Variants in NTRK3 observed in about 807,000 individuals in gnomAD.
NTRK3 encodes NT-3 growth factor receptor.
A neutral mutation model predicts 91.7 loss-of-function variants in NTRK3; 24 were observed. That is an observed-to-expected ratio of 0.26 (90% CI 0.19 to 0.37). The LOEUF (loss-of-function observed/expected upper bound fraction) is 0.37. NTRK3 is among the 10% of genes least tolerant of loss of function. The pLI is 1.00. For synonymous variants in NTRK3, 483 were observed against 404.0 expected, an observed-to-expected ratio of 1.20 and a Z score of -2.34; for missense variants, 880 against 1,068.9, an observed-to-expected ratio of 0.82 and a Z score of 2.46.
At chr15:88,041,102 G>A (rs2079561032) in intron 13 of NTRK3, among the ~76,000 whole-genome samples, 1 of 152,180 alleles carries the variant, frequency 6.6e-6, no homozygotes, top group African/African-American at 2.4e-5. Context: ...GTGAATACAT[G>A]AGCCTATATA....
intron 3 of NTRK3, among the ~76,000 whole-genome samples, chr15:88,189,608 C>A (rs1481583679): frequency 6.6e-6 from 1 of 152,020 alleles, no homozygotes; most frequent in Non-Finnish European, 1.5e-5. Flanking sequence ...CCACACCCAG[C>A]TAATTTTGTA....
chr15:87,999,244 C>T (rs1717735160), intron 14 of NTRK3, among the ~76,000 whole-genome samples: 1 of 152,188 alleles, frequency 6.6e-6, no homozygotes, highest in African/African-American at 2.4e-5. Context: ...CACACTATTC[C>T]TCTGAACAAT....
rs8023835 is a variant in NTRK3 at position 87,860,376 on chromosome 15, G to A, written c.*16559C>T. On this transcript the variant is annotated 3_prime_UTR_variant, in exon 19 of 19. Coordinates refer to ENST00000394480, the Ensembl canonical transcript of NTRK3. ...TTTTGAGGTTGGGGAGAAAGGAAGG[G>A]TGAGATGAAGAATAGAGGGTGGGCA... 1,159 of 220,662 alleles carry A rather than the reference G, an allele frequency of 5.3e-3. 15 individuals are homozygous for A. Among genetic ancestry groups the A allele is most frequent in the African/African-American group, 0.024 (1,076 of 44,746 alleles). The allele number at this position is 220,662 out of a possible 1,614,324, so 13.7% of individuals were successfully genotyped here. A position where few individuals can be genotyped will look rare whatever the true frequency, so the allele number is the denominator to read the frequency against.
intron 6 of NTRK3, among the ~76,000 whole-genome samples, chr15:88,144,484 C>T (rs2042695722): frequency 6.6e-6 from 1 of 152,188 alleles, no homozygotes; most frequent in East Asian, 1.9e-4. Context: ...ACTCAAGGGA[C>T]CCGACATCTT....
chr15:88,092,960 T>C (rs917309289), intron 13 of NTRK3, among the ~76,000 whole-genome samples: 4 of 151,384 alleles, frequency 2.6e-5, no homozygotes, highest in African/African-American at 9.7e-5. Flanking sequence ...CTTAATCACA[T>C]CTACAAAGAC....
chr15:88,204,267 C>G (rs572119484), intron 3 of NTRK3, among the ~76,000 whole-genome samples: 2 of 152,310 alleles, frequency 1.3e-5, no homozygotes, highest in East Asian at 3.9e-4. Flanking sequence ...GACACCTGCT[C>G]TCGCCAGTCT....
chr15:87,879,889 T>C (rs1246542112), intron 18 of NTRK3, among the ~76,000 whole-genome samples: 1 of 152,156 alleles, frequency 6.6e-6, no homozygotes, highest in African/African-American at 2.4e-5. Context: ...CCTAAAACCT[T>C]TGTGCACCCA....
intron 17 of NTRK3, among the ~76,000 whole-genome samples, chr15:87,910,796 C>T (rs1379118091): frequency 6.6e-6 from 1 of 152,134 alleles, no homozygotes; most frequent in Non-Finnish European, 1.5e-5. Flanking sequence ...CTATGCATCA[C>T]TGGCAGTTGC....
At chr15:88,203,398 A>G (rs2048462383) in intron 3 of NTRK3, among the ~76,000 whole-genome samples, 1 of 152,134 alleles carries the variant, frequency 6.6e-6, no homozygotes, top group African/African-American at 2.4e-5. Flanking sequence ...TTAAAAGAAT[A>G]AAGAGTTGCA....
At chr15:88,097,001 G>C (rs547150305) in intron 13 of NTRK3, among the ~76,000 whole-genome samples, 2 of 152,298 alleles carry the variant, frequency 1.3e-5, no homozygotes, top group Middle Eastern at 6.8e-3. Context: ...CAAAAGAAGA[G>C]AGTCTGGTAG....
intron 13 of NTRK3, among the ~76,000 whole-genome samples, chr15:88,051,354 T>C (rs577076842): frequency 6.6e-6 from 1 of 152,320 alleles, no homozygotes; most frequent in African/African-American, 2.4e-5. Flanking sequence ...TTCGTGCAGC[T>C]CTTCTGAAGA....
In NTRK3 at chr15:88,013,075, C is replaced by A. The variant is rs910884312; in HGVS notation, c.1585+19782G>T. The stretch of plus-strand genomic sequence containing the variant: ...ACCGTGCACTGGTAAAGACCCACTA[C>A]CAGCAGCTGAAACCGTGCACTGGTA... On this transcript the variant is annotated intron_variant, in intron 14 of 18. Coordinates refer to ENST00000394480, the Ensembl canonical transcript of NTRK3. 3.3e-5 allele frequency among the ~76,000 whole-genome samples: 4 copies of A among 120,924 alleles called. No homozygotes were observed. In the East Asian group the frequency reaches 1.1e-3, roughly 32 times the overall value. The allele number at this position is 120,924 out of a possible 152,430, so 79.3% of individuals were successfully genotyped here.
chr15:87,908,406 C>G, intron 17 of NTRK3: 1 of 398,796 alleles, frequency 2.5e-6, no homozygotes, highest in Non-Finnish European at 4.4e-6. Flanking sequence ...ATGGAAGTGC[C>G]TCTCCAAAGC....
At chr15:87,874,602 C>T (rs2064901456) in exon 19 of NTRK3, 1 of 233,006 alleles carries the variant, frequency 4.3e-6, no homozygotes, top group East Asian at 6.0e-5. Context: ...ACAGAAGCCA[C>T]ACAGTGTTTG....
intron 13 of NTRK3, among the ~76,000 whole-genome samples, chr15:88,044,960 T>C (rs1197170233): frequency 2.0e-5 from 3 of 152,210 alleles, no homozygotes; most frequent in Non-Finnish European, 4.4e-5. Context: ...AGGCCCTACC[T>C]TTGCATAGGG....
rs527392275 is a variant in NTRK3, at chr15:88,250,069, G to A, written c.248+5837C>T. On this transcript the variant is annotated intron_variant, in intron 3 of 18. Coordinates refer to ENST00000394480, the Ensembl canonical transcript of NTRK3. Reference sequence around the variant, plus strand: ...GACCAAGGTCCCCAGGTTTGATCCTGGAAGTATCTTTCTCTGGGGCCGTAA... The same window carrying A: ...GACCAAGGTCCCCAGGTTTGATCCTAGAAGTATCTTTCTCTGGGGCCGTAA... Among the ~76,000 whole-genome samples, 6 of 152,328 alleles carry A rather than the reference G, an allele frequency of 3.9e-5. No homozygotes were observed. In the South Asian group the frequency reaches 1.2e-3, roughly 32 times the overall value.
At chr15:88,111,188 A>G (rs983713361) in intron 13 of NTRK3, among the ~76,000 whole-genome samples, 1 of 152,178 alleles carries the variant, frequency 6.6e-6, no homozygotes, top group Admixed American at 6.5e-5. Context: ...CTGCTGCTTC[A>G]CACCTGCCTA....
intron 3 of NTRK3, among the ~76,000 whole-genome samples, chr15:88,203,400 A>C (rs181009066): frequency 1.3e-5 from 2 of 152,260 alleles, no homozygotes; most frequent in East Asian, 3.9e-4. Flanking sequence ...AAAAGAATAA[A>C]GAGTTGCACT....
At chr15:88,136,682 T>C (rs2041908474) in intron 7 of NTRK3, 73 bp from the exon 8 acceptor site, 2 of 1,549,448 alleles carry the variant, frequency 1.3e-6, no homozygotes, top group Non-Finnish European at 8.7e-7. Context: ...TCCATGGGGC[T>C]GATGGTGGCA....
Sources: gnomAD v4.1 joint callset for allele counts (sites outside exome capture counted in the v4.1 genomes callset) on GRCh38, gnomAD v4.1.1 for gene constraint, MANE v1.5 for transcripts, NCBI Gene and HGNC (gene_info 2026-07-23, HGNC 2026-07-21) for gene names.